Variants in SLC8A1 observed in about 807,000 individuals in gnomAD.
SLC8A1 encodes solute carrier family 8 member A1.
In SLC8A1, 18 loss-of-function variants were observed where a neutral mutation model predicts 68.3. The observed-to-expected ratio is 0.26, with a 90% CI of 0.18 to 0.39. The LOEUF (loss-of-function observed/expected upper bound fraction) is 0.39, where lower values mean the gene tolerates loss of function less well. Ranked by LOEUF, SLC8A1 falls within the 10% of genes least tolerant of loss-of-function variation. The pLI is 1.00. For missense variants in SLC8A1, 985 were observed against 1,156.7 expected (o/e 0.85, Z 2.15); for synonymous variants, 475 against 415.5 (o/e 1.14, Z -1.74).
intron 2 of SLC8A1, among the ~76,000 whole-genome samples, chr2:40,190,256 C>T (rs1170594105): frequency 6.6e-6 from 1 of 152,176 alleles, no homozygotes; most frequent in African/African-American, 2.4e-5. Context: ...AAGCCCTCCA[C>T]TTTTCATTCT....
intron 2 of SLC8A1, among the ~76,000 whole-genome samples, chr2:40,263,780 T>C (rs1422493806): frequency 1.3e-5 from 2 of 152,126 alleles, no homozygotes; most frequent in South Asian, 2.1e-4. Context: ...ATTCAGGACA[T>C]AGGCATGGGC....
intron 2 of SLC8A1, among the ~76,000 whole-genome samples, chr2:40,193,652 TG>T (rs1438729153): frequency 1.3e-5 from 2 of 152,122 alleles, no homozygotes; most frequent in Admixed American, 1.3e-4. Context: ...GGCATAATTT[TG>T]CAAGAAGGAG....
chr2:40,343,283 C>A (rs886649491), intron 2 of SLC8A1, among the ~76,000 whole-genome samples: 1 of 152,088 alleles, frequency 6.6e-6, no homozygotes, highest in Non-Finnish European at 1.5e-5. Flanking sequence ...ACTTCCACCT[C>A]GTCTTTTCTT....
intron 2 of SLC8A1, among the ~76,000 whole-genome samples, chr2:40,296,817 A>C (rs906382455): frequency 1.3e-5 from 2 of 152,152 alleles, no homozygotes; most frequent in Admixed American, 6.5e-5. Flanking sequence ...TACTTATGTC[A>C]TCATCAAGTT....
chr2:40,221,565 T>C (rs1362495626), intron 2 of SLC8A1, among the ~76,000 whole-genome samples: 1 of 152,174 alleles, frequency 6.6e-6, no homozygotes, highest in Non-Finnish European at 1.5e-5. Context: ...TAAAGGGTAT[T>C]TGAATAGGAA....
chr2:40,426,222 T>G (rs1696816605), intron 2 of SLC8A1, among the ~76,000 whole-genome samples: 1 of 151,984 alleles, frequency 6.6e-6, no homozygotes. Context: ...TTTCTAAAAT[T>G]TCACATTTCA....
At chr2:40,494,877 C>T (rs146449907) in intron 1 of SLC8A1, among the ~76,000 whole-genome samples, 12 of 151,294 alleles carry the variant, frequency 7.9e-5, no homozygotes, top group East Asian at 7.8e-4. Context: ...TATCATGTAC[C>T]GTGTTTATAT....
At chr2:40,151,789 G>GAATT (rs1382983524) in intron 6 of SLC8A1, among the ~76,000 whole-genome samples, 2 of 152,136 alleles carry the variant, frequency 1.3e-5, no homozygotes, top group Non-Finnish European at 2.9e-5. Flanking sequence ...TTCTCTTTAG[G>GAATT]AATTTATCAT....
intron 2 of SLC8A1, among the ~76,000 whole-genome samples, chr2:40,406,332 G>A (rs1576200960): frequency 6.6e-6 from 1 of 152,116 alleles, no homozygotes; most frequent in Non-Finnish European, 1.5e-5. Context: ...CTTCATGAAT[G>A]CAGAGTTATT....
At chr2:40,292,195 G>A (rs761713292) in intron 2 of SLC8A1, among the ~76,000 whole-genome samples, 1 of 152,042 alleles carries the variant, frequency 6.6e-6, no homozygotes, top group East Asian at 1.9e-4. Flanking sequence ...TGACATATGT[G>A]CTCTCATTAG....
At chr2:40,464,051 C>G (rs764126020) in intron 1 of SLC8A1, among the ~76,000 whole-genome samples, 1 of 152,034 alleles carries the variant, frequency 6.6e-6, no homozygotes. Context: ...CATGCCACCA[C>G]GCCAGGCTAG....
intron 2 of SLC8A1, among the ~76,000 whole-genome samples, chr2:40,234,957 A>G (rs2060169476): frequency 1.3e-5 from 2 of 152,110 alleles, no homozygotes; most frequent in African/African-American, 2.4e-5. Flanking sequence ...AGCCCACTTG[A>G]TCATGGTGGA....
intron 2 of SLC8A1, among the ~76,000 whole-genome samples, chr2:40,195,024 A>T (rs2148667275): frequency 6.6e-6 from 1 of 152,256 alleles, no homozygotes; most frequent in Non-Finnish European, 1.5e-5. Flanking sequence ...GGAGGATAAA[A>T]CAGGACAGAT....
At chr2:40,326,128 G>A (rs1324634587) in intron 2 of SLC8A1, among the ~76,000 whole-genome samples, 1 of 152,078 alleles carries the variant, frequency 6.6e-6, no homozygotes, top group Non-Finnish European at 1.5e-5. Context: ...TTTCAGACAG[G>A]CCTAGGTAGC....
At chr2:40,348,862 A>T (rs1262342091) in intron 2 of SLC8A1, among the ~76,000 whole-genome samples, 1 of 152,204 alleles carries the variant, frequency 6.6e-6, no homozygotes, top group Non-Finnish European at 1.5e-5. Context: ...TTATGCTTTC[A>T]TCTGTCAGGA....
At chr2:40,124,131 A>G (rs1289472732) in intron 7 of SLC8A1, among the ~76,000 whole-genome samples, 1 of 152,258 alleles carries the variant, frequency 6.6e-6, no homozygotes, top group Non-Finnish European at 1.5e-5. Context: ...GAAGGATCAG[A>G]TAGAGAAACT....
rs147226927 is a variant in SLC8A1 at position 40,288,601 on chromosome 2, G to C, written c.1809-110746C>G. On this transcript the variant is annotated intron_variant, in intron 2 of 7. Transcript: ENST00000406785. The stretch of plus-strand genomic sequence containing the variant: ...CCAGTTCATCCTGGGAGTCAGTTAT[G>C]TATACCTCTCCCCAGTTCTGTGTTT... 3.6e-3 allele frequency among the ~76,000 whole-genome samples: 549 copies of C among 152,016 alleles called. 2 individuals are homozygous for C. The highest frequency in any genetic ancestry group is 0.012 in the African/African-American group (511 of 41,442).
chr2:40,215,642 T>TCAAAAAAAAAAAAAA (rs1190994012), intron 2 of SLC8A1, among the ~76,000 whole-genome samples: 1 of 29,576 alleles, frequency 3.4e-5, no homozygotes, highest in African/African-American at 1.4e-4. Context: ...AGACTCCGTC[T>TCAAAAAAAAAAAAAA]CAAAAAAAAA....
intron 2 of SLC8A1, among the ~76,000 whole-genome samples, chr2:40,373,780 G>C (rs964862728): frequency 6.6e-5 from 10 of 152,038 alleles, no homozygotes; most frequent in Admixed American, 2.0e-4. Context: ...CAGGTGGCAT[G>C]AGAGTACTGA....
Sources: allele counts gnomAD v4.1 joint callset (sites outside exome capture counted in the v4.1 genomes callset), GRCh38; gene constraint gnomAD v4.1.1; transcripts MANE v1.5; gene names NCBI Gene and HGNC (gene_info 2026-07-23, HGNC 2026-07-21).